PDK2: variants seen among roughly 807,000 people sequenced by gnomAD.
The protein encoded by PDK2 is pyruvate dehydrogenase kinase, isozyme 2.
A neutral mutation model predicts 50.4 loss-of-function variants in PDK2; 34 were observed. The observed-to-expected ratio is 0.68, with a 90% CI of 0.51 to 0.90. The LOEUF is 0.90. Ranked by LOEUF, PDK2 falls within the 40% of genes least tolerant of loss-of-function variation. The pLI is 0.00. For missense variants in PDK2, 377 were observed against 544.5 expected (o/e 0.69, Z 3.06); for synonymous variants, 232 against 216.0 (o/e 1.07, Z -0.65).
At position 50,111,034 on chromosome 17, in the gene PDK2, C is replaced by T. The variant is rs1340696778; in HGVS notation, c.*937C>T. On this transcript the variant is annotated 3_prime_UTR_variant, in exon 11 of 11. Transcript: ENST00000503176. ...TGGCAGTGACAGTGACACCCACACCCACAGTAAAGAGGAGACTGAATGAGA... is the reference window on the plus strand; with the variant it reads ...TGGCAGTGACAGTGACACCCACACCTACAGTAAAGAGGAGACTGAATGAGA... The T allele has an allele frequency of 2.6e-5, 4 of 152,322 alleles. No individual in the cohort carries two copies. Among genetic ancestry groups the T allele is most frequent in the Non-Finnish European group, 5.9e-5 (4 of 68,126 alleles). The allele number at this position is 152,322 out of a possible 1,614,324, so 9.4% of individuals were successfully genotyped here.
In PDK2 at chr17:50,098,259, C is replaced by A. The variant is rs76669269; in HGVS notation, c.260+695C>A. Among the ~76,000 whole-genome samples the A allele has an allele frequency of 4.6e-5, 7 of 152,320 alleles. No individual in the cohort carries two copies. In the East Asian group the frequency reaches 1.4e-3, roughly 29 times the overall value. On this transcript the variant is annotated intron_variant, in intron 2 of 10. Transcript: ENST00000503176. ...CTAATCCTCATTGACTTTGGTGGCACCCTTGCAGAAATCTTGGGCTGGTTC... is the reference window on the plus strand; with the variant it reads ...CTAATCCTCATTGACTTTGGTGGCAACCTTGCAGAAATCTTGGGCTGGTTC...
Position 50,095,509 on chromosome 17 carries a change from A to G in PDK2, c.74A>G (p.Lys25Arg), listed in dbSNP as rs771246054. 5 of 1,607,050 alleles carry G rather than the reference A, an allele frequency of 3.1e-6. No homozygotes were observed. In the Admixed American group the frequency reaches 8.5e-5, roughly 27 times the overall value. Residue 25 changes from lysine to arginine, a missense_variant, in exon 1 of 11, where the codon AAG becomes AGG. Around this residue, in one of 3 missense-constraint regions of PDK2, gnomAD observed 100 missense variants for 115.5 expected, o/e 0.87. Coordinates refer to ENST00000503176, the MANE Select transcript of PDK2 (RefSeq NM_002611.5). The part of the protein sequence containing the change: ...GAPKYIEHFS[K>R]FSPSPLSMKQ... ...CCCAAGTACATAGAGCACTTCAGCAAGTTCTCCCCGTCCCCGCTGTCCATG... is the reference window on the plus strand; with the variant it reads ...CCCAAGTACATAGAGCACTTCAGCAGGTTCTCCCCGTCCCCGCTGTCCATG...
At chr17:50,105,480 T>C (rs1464644185) in intron 3 of PDK2, 38 bp downstream of exon 3, 1 of 1,575,266 alleles carries the variant, frequency 6.3e-7, no homozygotes, top group Admixed American at 1.7e-5. Context: ...AAGGCAGGTG[T>C]TGGCCAGGGG....
intron 5 of PDK2, 80 bp from the exon 6 acceptor site, chr17:50,106,996 G>A: frequency 6.8e-7 from 1 of 1,470,258 alleles, no homozygotes. Flanking sequence ...ATTTAATGCT[G>A]GTGGTCCCCA....
At position 50,101,283 on chromosome 17, in the gene PDK2, C is replaced by T. The variant is rs535670099; in HGVS notation, c.260+3719C>T. The stretch of plus-strand genomic sequence containing the variant: ...ACCCGTCAGCCGCTCCTTGCATGAC[C>T]GAGCAGGACCGACCACTTACTGCGC... On this transcript the variant is annotated intron_variant, in intron 2 of 10. Coordinates refer to ENST00000503176, the MANE Select transcript of PDK2 (RefSeq NM_002611.5). This position sits in a 1 kb window ranked among gnomAD's most constrained non-coding sequence, Gnocchi z 4.2. Among the ~76,000 whole-genome samples, 13 of 152,266 alleles carry T rather than the reference C, an allele frequency of 8.5e-5. No homozygotes were observed. Among genetic ancestry groups the T allele is most frequent in the Admixed American group, 3.9e-4 (6 of 15,290 alleles).
At chr17:50,107,299 G>T in intron 6 of PDK2, 146 bp downstream of exon 6, 1 of 671,980 alleles carries the variant, frequency 1.5e-6, no homozygotes, top group South Asian at 1.8e-5. Flanking sequence ...TAAATATTTG[G>T]GCTGGGCACA....
Position 50,109,370 on chromosome 17 carries a change from C to G in PDK2, c.1053C>G (p.Gly351=). The part of the protein sequence containing the change: ...QGDLQLFSME[G]FGTDAVIYLK... ...ACCTGCAGCTCTTCTCCATGGAAGG[C>G]TTTGGGACCGATGCTGTCATCTATC... is the stretch of plus-strand genomic sequence containing the variant. The change falls in exon 10 of 11, where the codon GGC becomes GGG. Residue 351 remains glycine (G), a synonymous_variant. Coordinates refer to ENST00000503176, the MANE Select transcript of PDK2 (RefSeq NM_002611.5). The surrounding 1 kb of genome is among the most constrained non-coding windows in gnomAD (Gnocchi z 5.0). The G allele has an allele frequency of 1.2e-6, 2 of 1,613,002 alleles. No individual in the cohort carries two copies. The highest frequency in any genetic ancestry group is 1.7e-6 in the Non-Finnish European group (2 of 1,179,326).
In PDK2 at chr17:50,095,488, A is replaced by G. The variant is rs756086416; in HGVS notation, c.53A>G (p.Lys18Arg). Residue 18 changes from lysine to arginine, a missense_variant, in exon 1 of 11, where the codon AAG becomes AGG. Lys to Arg is a conservative substitution (Grantham distance 26). This residue lies in a region of PDK2 where 100 missense variants were observed against 115.5 expected (regional missense o/e 0.87). Coordinates refer to ENST00000503176, the MANE Select transcript of PDK2 (RefSeq NM_002611.5). ...AATGCGTCCCTGGCAGGGGCGCCCA[A>G]GTACATAGAGCACTTCAGCAAGTTC... The part of the protein sequence containing the change: ...LKNASLAGAP[K>R]YIEHFSKFSP... 3.7e-6 allele frequency: 6 copies of G among 1,606,808 alleles called. No homozygotes were observed. The highest frequency in any genetic ancestry group is 1.3e-5 in the African/African-American group (1 of 74,948).
chr17:50,095,258 G>C, upstream of PDK2: 1 of 555,550 alleles, frequency 1.8e-6, no homozygotes, highest in South Asian at 2.3e-5. Context: ...TTCGCCCGGA[G>C]TTGTTTGTGA....
chr17:50,108,561 G>C (rs376579169), intron 8 of PDK2, 51 bp from the exon 9 acceptor site: 29 of 1,465,746 alleles, frequency 2.0e-5, no homozygotes, highest in Admixed American at 3.7e-5. Context: ...TATTGGGCGG[G>C]GTGGGGAAAA....
Position 50,109,763 on chromosome 17 carries a change from C to G in PDK2, c.1084-194C>G, listed in dbSNP as rs1045415924. On this transcript the variant is annotated intron_variant, in intron 10 of 10. Coordinates refer to ENST00000503176, the MANE Select transcript of PDK2 (RefSeq NM_002611.5). This position sits in a 1 kb window ranked among gnomAD's most constrained non-coding sequence, Gnocchi z 5.0. ...GGTCACACAGCCCAGCCTCCTCCCC[C>G]TCCCTCTCCCTCCCTTAGAGGGAGC... is the stretch of plus-strand genomic sequence containing the variant. Among the ~76,000 whole-genome samples, 1 of 152,230 alleles carries G rather than the reference C, an allele frequency of 6.6e-6. No homozygotes were observed. Among genetic ancestry groups the G allele is most frequent in the Non-Finnish European group, 1.5e-5 (1 of 68,032 alleles).
chr17:50,108,049 A>G, intron 6 of PDK2, 107 bp from the exon 7 acceptor site: 1 of 819,666 alleles, frequency 1.2e-6, no homozygotes. Context: ...CTCGCTGGGC[A>G]GCCATGTACT....
rs769178067 is a variant in PDK2 at position 50,097,447 on chromosome 17, C to A, written c.143C>A (p.Thr48Asn). The A allele has an allele frequency of 6.2e-7, 1 of 1,613,348 alleles. No homozygotes were observed. Among genetic ancestry groups the A allele is most frequent in the South Asian group, 1.1e-5 (1 of 91,068 alleles). ...DFGSSNACEK[T>N]SFTFLRQELP... ...GGATCCAGCAATGCCTGTGAGAAAA[C>A]CTCCTTCACCTTCCTCAGGCAGGAG... Residue 48 changes from threonine to asparagine, a missense_variant, in exon 2 of 11, where the codon ACC becomes AAC. Physicochemically the swap from Thr to Asn is moderately conservative, Grantham distance 65. Around this residue, in one of 3 missense-constraint regions of PDK2, gnomAD observed 100 missense variants for 115.5 expected, o/e 0.87. Transcript: ENST00000503176.
chr17:50,109,200 C>T lies in PDK2; in HGVS notation c.970-87C>T. On this transcript the variant is annotated intron_variant, in intron 9 of 10. Transcript: ENST00000503176. The surrounding 1 kb of genome is among the most constrained non-coding windows in gnomAD (Gnocchi z 5.0). ...CCCCTGCCATGTGACCCCAGCTCCA[C>T]ACCCTTCCCTCCCTGCATCAGTCCC... 1.3e-6 allele frequency: 1 copy of T among 779,400 alleles called. No homozygotes were observed. Among genetic ancestry groups the T allele is most frequent in the Non-Finnish European group, 2.1e-6 (1 of 472,910 alleles). The allele number at this position is 779,400 out of a possible 1,614,324, so 48.3% of individuals were successfully genotyped here.
At chr17:50,096,144 C>T (rs1212420486) in intron 1 of PDK2, 2 of 985,506 alleles carry the variant, frequency 2.0e-6, no homozygotes, top group Non-Finnish European at 2.4e-6. Flanking sequence ...GGAGCTGGAC[C>T]CTAGCTGCCC....
intron 2 of PDK2, among the ~76,000 whole-genome samples, chr17:50,103,669 T>C (rs1300526246): frequency 6.6e-6 from 1 of 152,150 alleles, no homozygotes; most frequent in Non-Finnish European, 1.5e-5. Flanking sequence ...GAGCTGGTTC[T>C]TTCACTCTCT....
At chr17:50,096,870 G>A (rs996676891) in intron 1 of PDK2, among the ~76,000 whole-genome samples, 2 of 152,220 alleles carry the variant, frequency 1.3e-5, no homozygotes, top group East Asian at 3.8e-4. Flanking sequence ...GACAAGGACC[G>A]AGGCATTTGG....
chr17:50,103,188 G>A (rs924523231), intron 2 of PDK2, among the ~76,000 whole-genome samples: 2 of 152,180 alleles, frequency 1.3e-5, no homozygotes, highest in Non-Finnish European at 2.9e-5. Context: ...CTGAGAGAAA[G>A]GCTGATCTTT....
rs766641656 is a variant in PDK2 at position 50,111,679 on chromosome 17, C to G, written c.*1582C>G. On this transcript the variant is annotated 3_prime_UTR_variant, in exon 11 of 11. Transcript: ENST00000503176. ...CCAAGCGGGAGCCCCCAGGCCTCAT[C>G]GGTAACTCTGACCAGTGTCCTGGAA... 1 of 152,284 alleles carries G rather than the reference C, an allele frequency of 6.6e-6. No individual in the cohort carries two copies. Among genetic ancestry groups the G allele is most frequent in the African/African-American group, 2.4e-5 (1 of 41,428 alleles). The allele number at this position is 152,284 out of a possible 1,614,324, so 9.4% of individuals were successfully genotyped here. A position where few individuals can be genotyped will look rare whatever the true frequency, so the allele number is the denominator to read the frequency against.
Sources: allele counts gnomAD v4.1 joint callset (sites outside exome capture counted in the v4.1 genomes callset), GRCh38; gene constraint gnomAD v4.1.1; regional missense constraint gnomAD v4.1.1; non-coding constraint Gnocchi (gnomAD v3.1); transcripts MANE v1.5; gene names NCBI Gene and HGNC (gene_info 2026-07-23, HGNC 2026-07-21).